TRAPPC9: variants seen among roughly 807,000 people sequenced by gnomAD.
The protein encoded by TRAPPC9 is IKK2 binding protein.
In TRAPPC9, 83 loss-of-function variants were observed where a neutral mutation model predicts 124.0. That is an observed-to-expected ratio of 0.67 (90% confidence interval 0.56 to 0.80). The LOEUF (loss-of-function observed/expected upper bound fraction) is 0.80, where lower values mean the gene tolerates loss of function less well. Among genes scored for constraint, TRAPPC9 ranks in the 30% least tolerant of loss-of-function variants. The pLI is 0.00. For synonymous variants in TRAPPC9, 638 were observed against 617.5 expected (o/e 1.03, Z -0.49); for missense variants, 1,302 against 1,508.3 (o/e 0.86, Z 2.27).
intron 6 of TRAPPC9, among the ~76,000 whole-genome samples, chr8:140,399,582 T>C (rs1162798443): frequency 6.6e-6 from 1 of 152,206 alleles, no homozygotes; most frequent in Non-Finnish European, 1.5e-5. Context: ...ACCCCTTTGT[T>C]TTGCCAATTT....
At chr8:140,210,721 C>T (rs1029178428) in intron 17 of TRAPPC9, among the ~76,000 whole-genome samples, 2 of 152,202 alleles carry the variant, frequency 1.3e-5, no homozygotes, top group African/African-American at 4.8e-5. Flanking sequence ...CACACCTCTA[C>T]GGCAAGAGCA....
intron 21 of TRAPPC9, among the ~76,000 whole-genome samples, chr8:139,814,294 C>A (rs1310156625): frequency 1.3e-5 from 2 of 152,216 alleles, no homozygotes; most frequent in African/African-American, 4.8e-5. Flanking sequence ...ATGCCAATGG[C>A]CTTCCCCGTG....
In TRAPPC9 at chr8:139,885,771, C is replaced by T. The variant is rs566802820; in HGVS notation, c.3055+108G>A. The T allele has an allele frequency of 3.5e-5, 37 of 1,070,616 alleles. No individual in the cohort carries two copies. The South Asian group carries it at 4.9e-4, about 14-fold the overall frequency. 66.3% of individuals were successfully genotyped at this position (1,070,616 alleles called of 1,614,324 possible). A position where few individuals can be genotyped will look rare whatever the true frequency, so the allele number is the denominator to read the frequency against. On this transcript the variant is annotated intron_variant, in intron 21 of 22. Transcript: ENST00000438773. ...AGGTTTCCCGTGATGACCTTCAGTA[C>T]CCACCAACATTTGGGGTGCCCAGCC...
At chr8:139,737,466 T>TTCCCCCC (rs1818261637) in intron 21 of TRAPPC9, among the ~76,000 whole-genome samples, 3 of 41,368 alleles carry the variant, frequency 7.3e-5, no homozygotes, top group East Asian at 1.1e-3. Context: ...TCATCAGCCC[T>TTCCCCCC]CCCCCCCCCC....
chr8:139,989,359 C>A (rs866355201), intron 18 of TRAPPC9, among the ~76,000 whole-genome samples: 1 of 152,208 alleles, frequency 6.6e-6, no homozygotes, highest in Non-Finnish European at 1.5e-5. Context: ...GGGCACCTCT[C>A]GAACTGGGGC....
intron 17 of TRAPPC9, among the ~76,000 whole-genome samples, chr8:140,144,409 G>A (rs992743310): frequency 6.6e-6 from 1 of 152,216 alleles, no homozygotes; most frequent in African/African-American, 2.4e-5. Flanking sequence ...ACGTCATGAG[G>A]TTCTTTTCAA....
At chr8:140,144,022 T>G (rs908076721) in intron 17 of TRAPPC9, among the ~76,000 whole-genome samples, 1 of 152,238 alleles carries the variant, frequency 6.6e-6, no homozygotes, top group Admixed American at 6.5e-5. Context: ...GATTTGGGGC[T>G]TTCTATTCTC....
At position 139,956,013 on chromosome 8, in the gene TRAPPC9, G is replaced by A. The variant is rs529166830; in HGVS notation, c.2810+32713C>T. Among the ~76,000 whole-genome samples, 215 of 152,302 alleles carry A rather than the reference G, an allele frequency of 1.4e-3. 1 individual carries two copies. The highest frequency in any genetic ancestry group is 4.9e-3 in the African/African-American group (205 of 41,562). On this transcript the variant is annotated intron_variant, in intron 19 of 22. Coordinates refer to ENST00000438773, the MANE Select transcript of TRAPPC9 (RefSeq NM_001160372.4). ...TTTCTCCCGCCGTGTGGCTGGAAGG[G>A]AGGCAGCTGGTTAGCACGCGGAGAC...
chr8:140,138,200 G>A (rs920581723), intron 17 of TRAPPC9, among the ~76,000 whole-genome samples: 1 of 152,214 alleles, frequency 6.6e-6, no homozygotes, highest in African/African-American at 2.4e-5. Context: ...TACTCAGGAG[G>A]CTAAAGCAGA....
rs567655756 is a variant in TRAPPC9 at position 140,158,158 on chromosome 8, T to C, written c.2556+63301A>G. ...TGTTAGTCAAAAGGTTTGTATATGATAGTAGACCAAGTAACAGCCCCCCCT... is the reference window on the plus strand; with the variant it reads ...TGTTAGTCAAAAGGTTTGTATATGACAGTAGACCAAGTAACAGCCCCCCCT... On this transcript the variant is annotated intron_variant, in intron 17 of 22. Transcript: ENST00000438773. Among the ~76,000 whole-genome samples, 4 of 152,322 alleles carry C rather than the reference T, an allele frequency of 2.6e-5. No individual in the cohort carries two copies. In the East Asian group the frequency reaches 7.7e-4, roughly 29 times the overall value.
At chr8:139,837,496 C>T (rs1026239127) in intron 21 of TRAPPC9, among the ~76,000 whole-genome samples, 35 of 152,332 alleles carry the variant, frequency 2.3e-4, no homozygotes, top group African/African-American at 7.5e-4. Flanking sequence ...CTCAACAACA[C>T]GCTCCCCCAC....
chr8:140,105,890 T>C (rs532600946), intron 17 of TRAPPC9, among the ~76,000 whole-genome samples: 1 of 152,268 alleles, frequency 6.6e-6, no homozygotes, highest in Non-Finnish European at 1.5e-5. Flanking sequence ...GGCTGGCCAC[T>C]CCTTCATAGG....
intron 9 of TRAPPC9, among the ~76,000 whole-genome samples, chr8:140,312,764 T>C (rs1449858444): frequency 2.7e-5 from 4 of 150,736 alleles, no homozygotes; most frequent in South Asian, 2.1e-4. Context: ...TCTTCTTTTT[T>C]TTTTTTTTTT....
intron 2 of TRAPPC9, among the ~76,000 whole-genome samples, chr8:140,443,131 C>CA (rs1177286944): frequency 0.036 from 1,589 of 43,838 alleles, 260 homozygotes; most frequent in African/African-American, 0.15. Context: ...GACTCCATCT[C>CA]AAAAAAAAAA....
intron 21 of TRAPPC9, among the ~76,000 whole-genome samples, chr8:139,848,542 C>CAT (rs1024461385): frequency 3.9e-5 from 6 of 151,922 alleles, no homozygotes; most frequent in East Asian, 1.9e-4. Flanking sequence ...CACACACACA[C>CAT]ATATATATAT....
chr8:140,227,148 G>C (rs1305567776), intron 16 of TRAPPC9, among the ~76,000 whole-genome samples: 1 of 152,194 alleles, frequency 6.6e-6, no homozygotes, highest in African/African-American at 2.4e-5. Flanking sequence ...GAGAGAAGGG[G>C]GCAGCTGCAG....
intron 17 of TRAPPC9, among the ~76,000 whole-genome samples, chr8:140,035,875 G>C (rs141711984): frequency 6.6e-6 from 1 of 152,328 alleles, no homozygotes; most frequent in Non-Finnish European, 1.5e-5. Flanking sequence ...GAAACCTGGC[G>C]TCTGGCCACA....
chr8:139,899,816 G>A (rs79092754), intron 20 of TRAPPC9, among the ~76,000 whole-genome samples: 3,317 of 152,152 alleles, frequency 0.022, 123 homozygotes, highest in African/African-American at 0.074. Context: ...ATTCCAACTC[G>A]ACACCCTTTA....
intron 9 of TRAPPC9, among the ~76,000 whole-genome samples, chr8:140,316,367 T>A (rs2066443401): frequency 6.6e-6 from 1 of 152,230 alleles, no homozygotes; most frequent in African/African-American, 2.4e-5. Flanking sequence ...GAACAAAATT[T>A]AGAACATATT....
Sources: gnomAD v4.1 joint callset for allele counts (sites outside exome capture counted in the v4.1 genomes callset) on GRCh38, gnomAD v4.1.1 for gene constraint, MANE v1.5 for transcripts, NCBI Gene and HGNC (gene_info 2026-07-23, HGNC 2026-07-21) for gene names.